The following R3HDM2 variants were observed in gnomAD, a reference collection of about 807,000 sequenced individuals.
The protein encoded by R3HDM2 is R3H domain-containing protein 2.
Under a neutral mutation model 124.5 loss-of-function variants are expected in R3HDM2, and 38 were observed. That is an observed-to-expected ratio of 0.31 (90% CI 0.24 to 0.40). R3HDM2 has a LOEUF of 0.40. R3HDM2 is among the 10% of genes least tolerant of loss of function. The pLI, the probability that R3HDM2 is intolerant of heterozygous loss-of-function variation, is 1.00. For synonymous variants in R3HDM2, 391 were observed against 448.0 expected (o/e 0.87, Z 1.61); for missense variants, 869 against 1,236.9 (o/e 0.70, Z 4.46).
intron 4 of R3HDM2, among the ~76,000 whole-genome samples, chr12:57,302,251 G>A (rs1287120115): frequency 3.3e-5 from 5 of 151,682 alleles, no homozygotes; most frequent in African/African-American, 9.7e-5. Flanking sequence ...ACTGCACTCC[G>A]GCTACAGAGT....
chr12:57,268,501 T>C (rs750546000), intron 17 of R3HDM2, 44 bp from the exon 18 acceptor site: 91 of 1,602,838 alleles, frequency 5.7e-5, no homozygotes, highest in Non-Finnish European at 7.5e-5. Context: ...CGCATTCACA[T>C]TGAGCTCATG....
chr12:57,360,043 ATATATT>A (rs1472152897), intron 2 of R3HDM2, among the ~76,000 whole-genome samples: 4 of 80,502 alleles, frequency 5.0e-5, no homozygotes, highest in African/African-American at 1.7e-4. Flanking sequence ...ATATATATAT[ATATATT>A]TTTTTTTTTT....
intron 18 of R3HDM2, among the ~76,000 whole-genome samples, chr12:57,267,136 C>A (rs2137315445): frequency 6.6e-6 from 1 of 152,182 alleles, no homozygotes; most frequent in South Asian, 2.1e-4. Flanking sequence ...TGCACACACA[C>A]AGATTCCAAG....
At chr12:57,349,366 G>A (rs534834620) in intron 2 of R3HDM2, among the ~76,000 whole-genome samples, 30 of 105,462 alleles carry the variant, frequency 2.8e-4, no homozygotes, top group African/African-American at 9.7e-4. Flanking sequence ...CCGACAGAGC[G>A]AGACTCCGTC....
chr12:57,302,962 C>T (rs1267811442), intron 4 of R3HDM2, among the ~76,000 whole-genome samples: 2 of 152,166 alleles, frequency 1.3e-5, no homozygotes, highest in Non-Finnish European at 2.9e-5. Flanking sequence ...AATGTGTATA[C>T]ACCTATGTAC....
chr12:57,360,229 T>C (rs1188543897), intron 2 of R3HDM2, among the ~76,000 whole-genome samples: 1 of 151,240 alleles, frequency 6.6e-6, no homozygotes, highest in African/African-American at 2.4e-5. Context: ...GGTTTCACCA[T>C]GTTGGCTAGG....
chr12:57,417,843 A>G (rs952230702), intron 1 of R3HDM2, among the ~76,000 whole-genome samples: 2 of 152,166 alleles, frequency 1.3e-5, no homozygotes, highest in African/African-American at 4.8e-5. Flanking sequence ...GGCATAGGCT[A>G]CCTTGGTCCC....
Position 57,280,086 on chromosome 12 carries a change from G to C in R3HDM2, c.1344+272C>G, listed in dbSNP as rs192672418. Among the ~76,000 whole-genome samples, 44 of 152,206 alleles carry C rather than the reference G, an allele frequency of 2.9e-4. 1 individual carries two copies. The highest frequency in any genetic ancestry group is 1.0e-3 in the African/African-American group (43 of 41,516). ...GGGAGATGGGGTACAGTAGAAATGT[G>C]GTATGAAATAAAAGATTCTACTGAC... On this transcript the variant is annotated intron_variant, in intron 14 of 23. Coordinates refer to ENST00000402412, the MANE Select transcript of R3HDM2 (RefSeq NM_001394031.1).
intron 1 of R3HDM2, among the ~76,000 whole-genome samples, chr12:57,400,645 CCTT>C (rs1432540206): frequency 1.3e-5 from 2 of 151,972 alleles, no homozygotes; most frequent in African/African-American, 4.8e-5. Flanking sequence ...CATCCAGACA[CCTT>C]CTGCTCCTGC....
At chr12:57,336,116 G>C (rs2058821257) in intron 2 of R3HDM2, among the ~76,000 whole-genome samples, 1 of 150,958 alleles carries the variant, frequency 6.6e-6, no homozygotes, top group South Asian at 2.1e-4. Context: ...CCTCACACCA[G>C]TCAGAATGGC....
chr12:57,401,267 G>A (rs562621926), intron 1 of R3HDM2, among the ~76,000 whole-genome samples: 1 of 151,220 alleles, frequency 6.6e-6, no homozygotes, highest in Non-Finnish European at 1.5e-5. Flanking sequence ...AGTGCAGCAT[G>A]AATGACACTG....
intron 2 of R3HDM2, among the ~76,000 whole-genome samples, chr12:57,338,026 G>A (rs780711401): frequency 2.6e-5 from 4 of 152,148 alleles, no homozygotes; most frequent in East Asian, 3.9e-4. Context: ...ACGCATGGCC[G>A]GGTGCAGTGG....
chr12:57,309,211 T>C (rs1381520993), intron 3 of R3HDM2, among the ~76,000 whole-genome samples: 2 of 152,226 alleles, frequency 1.3e-5, no homozygotes, highest in African/African-American at 4.8e-5. Flanking sequence ...CTCTAAAATG[T>C]TGTTGTTCCG....
At chr12:57,419,389 C>T (rs1378689990) in intron 1 of R3HDM2, among the ~76,000 whole-genome samples, 3 of 151,636 alleles carry the variant, frequency 2.0e-5, no homozygotes, top group Admixed American at 6.6e-5. Flanking sequence ...ATGATCTGCC[C>T]GCCTCAGCCT....
chr12:57,355,782 G>C (rs1025000962), intron 2 of R3HDM2, among the ~76,000 whole-genome samples: 4 of 152,128 alleles, frequency 2.6e-5, no homozygotes, highest in Non-Finnish European at 4.4e-5. Context: ...GCAATGTTTT[G>C]ATCCATAAGC....
chr12:57,388,539 AAC>A (rs1276999917), intron 2 of R3HDM2, among the ~76,000 whole-genome samples: 1 of 152,166 alleles, frequency 6.6e-6, no homozygotes, highest in African/African-American at 2.4e-5. Context: ...GGTTAATGAT[AAC>A]ACCTTGTGCA....
intron 10 of R3HDM2, among the ~76,000 whole-genome samples, chr12:57,293,706 A>G (rs536702574): frequency 6.6e-6 from 1 of 152,332 alleles, no homozygotes; most frequent in East Asian, 1.9e-4. Flanking sequence ...CTGACTTCCA[A>G]CCCAGAGGCT....
chr12:57,330,579 A>G (rs1349077187), intron 2 of R3HDM2, among the ~76,000 whole-genome samples: 10 of 150,680 alleles, frequency 6.6e-5, no homozygotes, highest in Non-Finnish European at 1.0e-4. Flanking sequence ...TCCTGACCTC[A>G]GGTGATCCAC....
rs117736130 is a variant in R3HDM2, at chr12:57,353,131, T to C, written c.-36+42618A>G. Among the ~76,000 whole-genome samples the C allele has an allele frequency of 5.9e-3, 895 of 152,278 alleles. 4 individuals are homozygous for C. Among genetic ancestry groups the C allele is most frequent in the Admixed American group, 0.01 (153 of 15,286 alleles). ...CAAATCAGAAAAAACATTGAAACTT[T>C]TGATGACTTCAAAATTGAAAACTTC... On this transcript the variant is annotated intron_variant, in intron 2 of 23. Coordinates refer to ENST00000402412, the MANE Select transcript of R3HDM2 (RefSeq NM_001394031.1).
Sources: allele counts gnomAD v4.1 joint callset (sites outside exome capture counted in the v4.1 genomes callset), GRCh38; gene constraint gnomAD v4.1.1; transcripts MANE v1.5; gene names NCBI Gene and HGNC (gene_info 2026-07-23, HGNC 2026-07-21).